The following MREG variants were observed in gnomAD, a reference collection of about 807,000 sequenced individuals.
MREG encodes melanoregulin.
MREG carries 31 observed loss-of-function variants against 28.5 expected under a neutral mutation model. The observed-to-expected ratio is 1.09, with a 90% CI of 0.82 to 1.47. The LOEUF (loss-of-function observed/expected upper bound fraction) is 1.47, where lower values mean the gene tolerates loss of function less well. MREG is among the 40% of genes most tolerant of loss of function. The pLI is 0.00. For synonymous variants in MREG, 106 were observed against 95.2 expected, an observed-to-expected ratio of 1.11 and a Z score of -0.66; for missense variants, 256 against 257.4, an observed-to-expected ratio of 0.99 and a Z score of 0.04.
rs1559175319 is a variant in MREG at position 215,954,450 on chromosome 2, ACAC to A, written c.256-7340_256-7338del. 2.6e-3 allele frequency among the ~76,000 whole-genome samples: 383 copies of A among 150,034 alleles called. 5 individuals carry two copies. Among genetic ancestry groups the A allele is most frequent in the African/African-American group, 8.7e-3 (358 of 41,076 alleles). On this transcript the variant is annotated intron_variant, in intron 2 of 4. Transcript: ENST00000263268. ...ATTGTATTTGATCTGTGTACAACACACACACACACACACACACACACACACACA... is the reference window on the plus strand; with the variant it reads ...ATTGTATTTGATCTGTGTACAACACAACACACACACACACACACACACACA...
chr2:216,019,759 C>A (rs1029860030), intron 1 of MREG, among the ~76,000 whole-genome samples: 2 of 152,110 alleles, frequency 1.3e-5, no homozygotes, highest in Non-Finnish European at 2.9e-5. Flanking sequence ...CCCGCCTAGG[C>A]CTCCCAAAGT....
At chr2:215,992,334 T>C (rs36102155) in intron 2 of MREG, among the ~76,000 whole-genome samples, 36,684 of 152,072 alleles carry the variant, frequency 0.24, 4,736 homozygotes, top group East Asian at 0.41. Flanking sequence ...AGGTCTTCAA[T>C]AAAATTCAAC....
At chr2:215,981,298 T>C (rs919195097) in intron 2 of MREG, among the ~76,000 whole-genome samples, 5 of 152,158 alleles carry the variant, frequency 3.3e-5, no homozygotes, top group African/African-American at 1.2e-4. Context: ...ATGTGGCATA[T>C]ACACACTATG....
chr2:216,010,548 G>A (rs1488598356), intron 1 of MREG, among the ~76,000 whole-genome samples: 4 of 150,368 alleles, frequency 2.7e-5, no homozygotes, highest in Middle Eastern at 3.4e-3. Flanking sequence ...TAGTAGAGAC[G>A]GGGTTTCACC....
chr2:215,945,656 G>A lies in MREG; in HGVS notation c.425C>T (p.Ala142Val), dbSNP rs868664178. The A allele has an allele frequency of 1.8e-5, 29 of 1,613,866 alleles. 1 individual carries two copies. The Middle Eastern group carries it at 2.1e-3, about 119-fold the overall frequency. ...TISDSKNTRK[A>V]REMLLKLAEE... is the part of the protein sequence containing the mutation. ...AGCCAGTTTTAACAACATCTCTCGA[G>A]CTTTCCTTGTGTTTTTAGAATCACT... The change falls in exon 4 of 5, where the codon GCT becomes GTT. Residue 142 changes from alanine (A) to valine (V), a missense_variant. Coordinates refer to ENST00000263268, the MANE Select transcript of MREG (RefSeq NM_018000.3).
rs1384979032 is a variant in MREG, at chr2:215,944,636, CTT to C, written c.*225_*226del. On this transcript the variant is annotated 3_prime_UTR_variant, in exon 5 of 5. Transcript: ENST00000263268. ...TTATGAACTATCCATCTGACCAACTCTTTAACTTTCTTCCTAAATATGAGATC... is the reference window on the plus strand; with the variant it reads ...TTATGAACTATCCATCTGACCAACTCTAACTTTCTTCCTAAATATGAGATC... The C allele has an allele frequency of 2.6e-6, 1 of 378,138 alleles. No homozygotes were observed. Among genetic ancestry groups the C allele is most frequent in the African/African-American group, 2.0e-5 (1 of 50,060 alleles). The allele number at this position is 378,138 out of a possible 1,614,324, so 23.4% of individuals were successfully genotyped here. A position where few individuals can be genotyped will look rare whatever the true frequency, so the allele number is the denominator to read the frequency against.
intron 1 of MREG, among the ~76,000 whole-genome samples, chr2:215,998,326 T>G (rs11682923): frequency 7.0e-6 from 1 of 142,542 alleles, no homozygotes; most frequent in African/African-American, 2.7e-5. Context: ...AAAAAAATAA[T>G]AATAATAATA....
chr2:215,996,370 G>C lies in MREG; in HGVS notation c.191C>G (p.Ala64Gly). 1 of 1,613,982 alleles carries C rather than the reference G, an allele frequency of 6.2e-7. No individual in the cohort carries two copies. Among genetic ancestry groups the C allele is most frequent in the South Asian group, 1.1e-5 (1 of 91,074 alleles). Residue 64 changes from alanine to glycine, a missense_variant, in exon 2 of 5, where the codon GCA becomes GGA. Physicochemically the swap from Ala to Gly is moderately conservative, Grantham distance 60. Transcript: ENST00000263268. ...SMPHDVSHTE[A>G]DDDRTLYNLI... Reference sequence around the variant, plus strand: ...ATTGTACAGGGTTCTGTCGTCGTCTGCCTCTGTGTGGGACACATCATGGGG... The same window carrying C: ...ATTGTACAGGGTTCTGTCGTCGTCTCCCTCTGTGTGGGACACATCATGGGG...
rs965252568 is a variant in MREG, at chr2:216,013,329, G to C, written c.-2C>G. 1.3e-5 allele frequency: 20 copies of C among 1,527,384 alleles called. No individual in the cohort carries two copies. The highest frequency in any genetic ancestry group is 1.8e-5 in the Non-Finnish European group (20 of 1,137,432). 94.6% of individuals were successfully genotyped at this position (1,527,384 alleles called of 1,614,324 possible). On this transcript the variant is annotated 5_prime_UTR_variant, in exon 1 of 5. Coordinates refer to ENST00000263268, the MANE Select transcript of MREG (RefSeq NM_018000.3). Reference sequence around the variant, plus strand: ...TCTCAGCCAGTCCCTCAGCCCCATGGAGAGCGAGGGCCCCCACCGGCGCCG... The same window carrying C: ...TCTCAGCCAGTCCCTCAGCCCCATGCAGAGCGAGGGCCCCCACCGGCGCCG...
At chr2:215,960,502 T>G (rs973953355) in intron 2 of MREG, among the ~76,000 whole-genome samples, 1 of 152,210 alleles carries the variant, frequency 6.6e-6, no homozygotes, top group Non-Finnish European at 1.5e-5. Flanking sequence ...CCACTTGGGC[T>G]ATAATCCATG....
At chr2:216,017,896 A>T (rs1487885380), upstream of MREG, among the ~76,000 whole-genome samples, 1 of 152,056 alleles carries the variant, frequency 6.6e-6, no homozygotes, top group African/African-American at 2.4e-5. Context: ...CATGCCTGTA[A>T]TCCTAGCACT....
At chr2:216,010,744 C>A (rs899359949) in intron 1 of MREG, among the ~76,000 whole-genome samples, 1 of 151,888 alleles carries the variant, frequency 6.6e-6, no homozygotes, top group Non-Finnish European at 1.5e-5. Context: ...CCAAGTATTT[C>A]TTTTAATTAA....
chr2:215,961,133 T>C (rs1246340154), intron 2 of MREG, among the ~76,000 whole-genome samples: 3 of 152,186 alleles, frequency 2.0e-5, no homozygotes, highest in Non-Finnish European at 4.4e-5. Flanking sequence ...TGGCAGGGGG[T>C]GGAGGCCAGG....
upstream of MREG, chr2:216,013,597 G>C (rs1429920140): frequency 1.3e-5 from 2 of 155,526 alleles, no homozygotes; most frequent in Non-Finnish European, 2.8e-5. Context: ...GCGCAATTTG[G>C]GGCGCATGCG....
At chr2:215,998,317 AAAAAATAATAAT>A (rs1284105172) in intron 1 of MREG, among the ~76,000 whole-genome samples, 9 of 146,580 alleles carry the variant, frequency 6.1e-5, no homozygotes, top group South Asian at 2.1e-4. Context: ...CAAAAAAAAA[AAAAAATAATAAT>A]AATAATAATA....
At chr2:215,939,310 A>C (rs190741101), downstream of MREG, 276 of 152,266 alleles carry the variant, frequency 1.8e-3, 1 homozygote, top group African/African-American at 6.3e-3. Flanking sequence ...AAAAAAAATA[A>C]AGTGAAGACG....
intron 2 of MREG, among the ~76,000 whole-genome samples, chr2:215,959,290 G>A (rs1692717079): frequency 6.6e-6 from 1 of 152,058 alleles, no homozygotes; most frequent in South Asian, 2.1e-4. Context: ...TCTGCTGGAT[G>A]TGTCCAAGTG....
chr2:216,004,839 G>A (rs553007421), intron 1 of MREG, among the ~76,000 whole-genome samples: 24 of 152,322 alleles, frequency 1.6e-4, no homozygotes, highest in Non-Finnish European at 2.8e-4. Flanking sequence ...GTGAGTAAGG[G>A]ACACAGTGAA....
intron 2 of MREG, among the ~76,000 whole-genome samples, chr2:215,964,858 G>A (rs143629202): frequency 7.8e-6 from 1 of 128,246 alleles, no homozygotes; most frequent in African/African-American, 3.1e-5. Context: ...TAGATAGATA[G>A]ATAGATAGAT....
Sources: gnomAD v4.1 joint callset for allele counts (sites outside exome capture counted in the v4.1 genomes callset) on GRCh38, gnomAD v4.1.1 for gene constraint, MANE v1.5 for transcripts, NCBI Gene and HGNC (gene_info 2026-07-23, HGNC 2026-07-21) for gene names.